Variants in CELSR1 observed in about 807,000 individuals in gnomAD.
CELSR1 encodes the protein cadherin EGF LAG seven-pass G-type receptor 1.
CELSR1 carries 110 observed loss-of-function variants against 249.1 expected under a neutral mutation model. That is an observed-to-expected ratio of 0.44 (90% CI 0.38 to 0.52). CELSR1 has a LOEUF of 0.52. Ranked by LOEUF, CELSR1 falls within the 20% of genes least tolerant of loss-of-function variation. The pLI, the probability that CELSR1 is intolerant of heterozygous loss-of-function variation, is 0.00. For synonymous variants in CELSR1, 2,113 were observed against 1,900.0 expected, an observed-to-expected ratio of 1.11 and a Z score of -2.92; for missense variants, 4,109 against 4,296.4, an observed-to-expected ratio of 0.96 and a Z score of 1.22.
intron 1 of CELSR1, among the ~76,000 whole-genome samples, chr22:46,532,066 C>T (rs1466150494): frequency 6.6e-6 from 1 of 152,166 alleles, no homozygotes; most frequent in African/African-American, 2.4e-5. Context: ...GGAATCCATC[C>T]TAAACCCTGC....
intron 1 of CELSR1, among the ~76,000 whole-genome samples, chr22:46,487,350 T>TA (rs1379608829): frequency 2.7e-5 from 4 of 150,768 alleles, no homozygotes; most frequent in African/African-American, 9.8e-5. Context: ...ATCTGCAACC[T>TA]AAACGCAAAG....
At chr22:46,442,722 C>T (rs2079766169) in intron 2 of CELSR1, among the ~76,000 whole-genome samples, 1 of 152,198 alleles carries the variant, frequency 6.6e-6, no homozygotes, top group Non-Finnish European at 1.5e-5. Context: ...TAAATGGTGC[C>T]TCTGAAGAAT....
chr22:46,491,825 C>T (rs147062541), intron 1 of CELSR1, among the ~76,000 whole-genome samples: 2,824 of 150,634 alleles, frequency 0.019, 37 homozygotes, highest in Non-Finnish European at 0.028. Flanking sequence ...TTAGTAGAGA[C>T]GGGGTTTCAC....
rs1300048255 is a variant in CELSR1, at chr22:46,439,321, C to A, written c.4274G>T (p.Gly1425Val). 1 of 1,614,074 alleles carries A rather than the reference C, an allele frequency of 6.2e-7. No homozygotes were observed. The change falls in exon 3 of 35, where the codon GGC (glycine) becomes GTC (valine). Residue 1425 changes from glycine (G) to valine (V), a missense_variant. This residue lies in a region of CELSR1 where 453 missense variants were observed against 492.0 expected (regional missense o/e 0.92). Transcript: ENST00000674500. ...GGTCVNLLIG[G>V]FHCVCPPGEY... ...GCCAGGAGGACACACGCAGTGGAAG[C>A]CGCCGATGAGCAGGTTCACGCAGGT...
chr22:46,453,656 G>A (rs1037506240), intron 2 of CELSR1, among the ~76,000 whole-genome samples: 6 of 152,164 alleles, frequency 3.9e-5, no homozygotes, highest in Non-Finnish European at 8.8e-5. Context: ...GACCGGAAGC[G>A]GGTGAGAGAG....
In CELSR1 at chr22:46,423,607, G is replaced by GA. The variant is rs140667892; in HGVS notation, c.4611+9785dup. Among the ~76,000 whole-genome samples the GA allele has an allele frequency of 2.7e-3, 294 of 106,912 alleles. 2 individuals are homozygous for GA. The highest frequency in any genetic ancestry group is 4.3e-3 in the East Asian group (12 of 2,788). The allele number at this position is 106,912 out of a possible 152,430, so 70.1% of individuals were successfully genotyped here. ...GCAACAGGAGCGAAACTTCGTCTCAGAAAAAAAAAAAAAAAAAGACTCCAT... is the reference window on the plus strand; with the variant it reads ...GCAACAGGAGCGAAACTTCGTCTCAGAAAAAAAAAAAAAAAAAAGACTCCAT... On this transcript the variant is annotated intron_variant, in intron 5 of 34. Coordinates refer to ENST00000674500, the MANE Select transcript of CELSR1 (RefSeq NM_001378328.1). The surrounding 1 kb of genome is among the most constrained non-coding windows in gnomAD (Gnocchi z 5.6).
chr22:46,459,609 GC>G (rs2079997063), intron 2 of CELSR1, among the ~76,000 whole-genome samples: 2 of 152,232 alleles, frequency 1.3e-5, no homozygotes, highest in Admixed American at 1.3e-4. Flanking sequence ...CAGCGCTGAG[GC>G]CGCTTCTCTG....
rs573881395 is a variant in CELSR1 at position 46,361,298 on chromosome 22, G to C, written c.*1925C>G. The stretch of plus-strand genomic sequence containing the variant: ...TCTAATCTCTCCCATAAAGTCTTAA[G>C]TAATAAAAATAGGTTTACATTTTTC... On this transcript the variant is annotated 3_prime_UTR_variant, in exon 35 of 35. Transcript: ENST00000674500. The C allele has an allele frequency of 1.3e-5, 2 of 152,634 alleles. No individual in the cohort carries two copies. Among genetic ancestry groups the C allele is most frequent in the South Asian group, 4.1e-4 (2 of 4,826 alleles). 9.5% of individuals were successfully genotyped at this position (152,634 alleles called of 1,614,324 possible).
chr22:46,456,543 G>T (rs2079953083), intron 2 of CELSR1, among the ~76,000 whole-genome samples: 1 of 151,480 alleles, frequency 6.6e-6, no homozygotes, highest in African/African-American at 2.4e-5. Flanking sequence ...GGCACCTGTA[G>T]TCCCAGCTAC....
intron 2 of CELSR1, among the ~76,000 whole-genome samples, chr22:46,460,199 A>C (rs62231925): frequency 5.9e-5 from 4 of 67,264 alleles, no homozygotes; most frequent in Non-Finnish European, 7.3e-5. Context: ...ACACACACAC[A>C]CACACACACA....
At position 46,428,015 on chromosome 22, in the gene CELSR1, A is replaced by C. The variant is rs1464363101; in HGVS notation, c.4611+5378T>G. The stretch of plus-strand genomic sequence containing the variant: ...GGGGTTTAATGTGCAGCACAGACCC[A>C]AGAGGTTTTGAATGACCTGACAAGC... On this transcript the variant is annotated intron_variant, in intron 5 of 34. Transcript: ENST00000674500. The surrounding 1 kb of genome is among the most constrained non-coding windows in gnomAD (Gnocchi z 5.7). Among the ~76,000 whole-genome samples, 1 of 152,138 alleles carries C rather than the reference A, an allele frequency of 6.6e-6. No individual in the cohort carries two copies. The highest frequency in any genetic ancestry group is 1.5e-5 in the Non-Finnish European group (1 of 68,028).
intron 2 of CELSR1, among the ~76,000 whole-genome samples, chr22:46,461,629 C>T (rs763739129): frequency 3.9e-5 from 6 of 152,324 alleles, no homozygotes; most frequent in Admixed American, 1.3e-4. Context: ...AAAAAGCCAA[C>T]GGCACAGATG....
In CELSR1 at chr22:46,436,262, C is replaced by T. The variant is rs145541383; in HGVS notation, c.4434G>A (p.Leu1478=). The T allele has an allele frequency of 4.3e-6, 7 of 1,613,862 alleles. No homozygotes were observed. The African/African-American group carries it at 9.3e-5, about 22-fold the overall frequency. ...CATTGAAGCGGCCGTTGTAGAGAAGCAAGCCGTTCCTTTCCTGAGTGGCAA... is the reference window on the plus strand; with the variant it reads ...CATTGAAGCGGCCGTTGTAGAGAAGTAAGCCGTTCCTTTCCTGAGTGGCAA... The part of the protein sequence containing the change: ...LTFATQERNG[L]LLYNGRFNEK... The change falls in exon 4 of 35, where the codon TTG becomes TTA. Residue 1478 remains leucine (L), a synonymous_variant. Transcript: ENST00000674500. The surrounding 1 kb of genome is among the most constrained non-coding windows in gnomAD (Gnocchi z 5.9).
In CELSR1 at chr22:46,423,052, G is replaced by A. The variant is rs2079496139; in HGVS notation, c.4611+10341C>T. On this transcript the variant is annotated intron_variant, in intron 5 of 34. Transcript: ENST00000674500. This position sits in a 1 kb window ranked among gnomAD's most constrained non-coding sequence, Gnocchi z 5.6. Reference sequence around the variant, plus strand: ...GGCTGGGCTTGGCCACATGACCTGGGCAACAGGACATCAGGGCACAAGGAC... The same window carrying A: ...GGCTGGGCTTGGCCACATGACCTGGACAACAGGACATCAGGGCACAAGGAC... Among the ~76,000 whole-genome samples the A allele has an allele frequency of 6.6e-6, 1 of 152,184 alleles. No individual in the cohort carries two copies. The highest frequency in any genetic ancestry group is 1.5e-5 in the Non-Finnish European group (1 of 68,038).
At chr22:46,385,717 G>T (rs1352096217) in intron 19 of CELSR1, among the ~76,000 whole-genome samples, 1 of 136,170 alleles carries the variant, frequency 7.3e-6, no homozygotes. Context: ...TGGCTCTCTC[G>T]CCCAGGCTGG....
At position 46,374,843 on chromosome 22, in the gene CELSR1, A is replaced by G. The variant is rs965167572; in HGVS notation, c.7585-1786T>C. On this transcript the variant is annotated intron_variant, in intron 24 of 34. Transcript: ENST00000674500. This position sits in a 1 kb window ranked among gnomAD's most constrained non-coding sequence, Gnocchi z 4.3. ...TGCGGATGTGAAGAAACCCCTCCGC[A>G]GGAGCAGCGACCCTGCCATATGGGC... is the stretch of plus-strand genomic sequence containing the variant. Among the ~76,000 whole-genome samples, 12 of 152,166 alleles carry G rather than the reference A, an allele frequency of 7.9e-5. No homozygotes were observed. Among genetic ancestry groups the G allele is most frequent in the African/African-American group, 2.9e-4 (12 of 41,400 alleles).
At chr22:46,474,749 C>G (rs2080190418) in intron 1 of CELSR1, among the ~76,000 whole-genome samples, 2 of 148,520 alleles carry the variant, frequency 1.3e-5, no homozygotes, top group Admixed American at 1.3e-4. Flanking sequence ...CCTTCCTCAC[C>G]TCCCCAGATT....
At position 46,447,740 on chromosome 22, in the gene CELSR1, C is replaced by A. The variant is rs2079836519; in HGVS notation, c.4184-8329G>T. ...GTTCAAGCGATTCTCCTGCCTCAGCCTCCCGAGTTGCTGGGATTACAGGTG... is the reference window on the plus strand; with the variant it reads ...GTTCAAGCGATTCTCCTGCCTCAGCATCCCGAGTTGCTGGGATTACAGGTG... On this transcript the variant is annotated intron_variant, in intron 2 of 34. Transcript: ENST00000674500. The surrounding 1 kb of genome is among the most constrained non-coding windows in gnomAD (Gnocchi z 4.7). Among the ~76,000 whole-genome samples, 1 of 152,224 alleles carries A rather than the reference C, an allele frequency of 6.6e-6. No homozygotes were observed. Among genetic ancestry groups the A allele is most frequent in the Admixed American group, 6.5e-5 (1 of 15,278 alleles).
Position 46,430,661 on chromosome 22 carries a change from G to A in CELSR1, c.4611+2732C>T, listed in dbSNP as rs1252260332. Reference sequence around the variant, plus strand: ...GTGGCTGCTGGAGGACAGGACCAGAGGTGACATTGGAGACAAAGTGGAGGC... The same window carrying A: ...GTGGCTGCTGGAGGACAGGACCAGAAGTGACATTGGAGACAAAGTGGAGGC... On this transcript the variant is annotated intron_variant, in intron 5 of 34. Coordinates refer to ENST00000674500, the MANE Select transcript of CELSR1 (RefSeq NM_001378328.1). This position sits in a 1 kb window ranked among gnomAD's most constrained non-coding sequence, Gnocchi z 4.6. 6.6e-6 allele frequency among the ~76,000 whole-genome samples: 1 copy of A among 152,182 alleles called. No individual in the cohort carries two copies. The highest frequency in any genetic ancestry group is 1.5e-5 in the Non-Finnish European group (1 of 68,034).
Sources: allele counts gnomAD v4.1 joint callset (sites outside exome capture counted in the v4.1 genomes callset), GRCh38; gene constraint gnomAD v4.1.1; regional missense constraint gnomAD v4.1.1; non-coding constraint Gnocchi (gnomAD v3.1); transcripts MANE v1.5; gene names NCBI Gene and HGNC (gene_info 2026-07-23, HGNC 2026-07-21).